The following NAALADL2 variants were observed in gnomAD, a reference collection of about 807,000 sequenced individuals.
NAALADL2 encodes the protein N-acetylated alpha-linked acidic dipeptidase like 2.
Under a neutral mutation model 87.2 loss-of-function variants are expected in NAALADL2, and 76 were observed. That is an observed-to-expected ratio of 0.87 (90% confidence interval 0.72 to 1.05). The LOEUF (loss-of-function observed/expected upper bound fraction) is 1.05, where lower values mean the gene tolerates loss of function less well. NAALADL2 is among the 50% of genes least tolerant of loss of function. The pLI is 0.00. For missense variants in NAALADL2, 1,089 were observed against 945.8 expected, an observed-to-expected ratio of 1.15 and a Z score of -1.99; for synonymous variants, 354 against 331.0, an observed-to-expected ratio of 1.07 and a Z score of -0.75.
intron 6 of NAALADL2, among the ~76,000 whole-genome samples, chr3:175,455,690 G>A (rs554111779): frequency 5.9e-5 from 9 of 152,168 alleles, no homozygotes; most frequent in Admixed American, 2.0e-4. Flanking sequence ...AAGTTTACAA[G>A]TTATGATGGC....
chr3:174,974,914 C>T (rs1265088990), intron 1 of NAALADL2, among the ~76,000 whole-genome samples: 1 of 151,734 alleles, frequency 6.6e-6, no homozygotes, highest in Non-Finnish European at 1.5e-5. Flanking sequence ...TAGTTTTTTG[C>T]TTTTTTTAAA....
intron 2 of NAALADL2, among the ~76,000 whole-genome samples, chr3:174,570,516 A>G (rs1714806797): frequency 6.6e-6 from 1 of 152,122 alleles, no homozygotes; most frequent in East Asian, 1.9e-4. Context: ...TTCTCAAATA[A>G]TGTAGTGAGA....
intron 3 of NAALADL2, among the ~76,000 whole-genome samples, chr3:174,845,264 C>A (rs1430179299): frequency 2.6e-5 from 4 of 152,166 alleles, no homozygotes; most frequent in Non-Finnish European, 5.9e-5. Context: ...GAGAGCCTGG[C>A]AGCTGTGCAG....
In NAALADL2 at chr3:175,755,429, T is replaced by C; in HGVS notation, c.2189+11T>C. On this transcript the variant is annotated intron_variant, in intron 13 of 13. Coordinates refer to ENST00000454872, the MANE Select transcript of NAALADL2 (RefSeq NM_207015.3). ...ACCAGGTTTTTATAGGTAGGATGCA[T>C]GTCTCAAAAATTATACTTTTTGCCC... is the stretch of plus-strand genomic sequence containing the variant. The C allele has an allele frequency of 6.4e-7, 1 of 1,557,280 alleles. No homozygotes were observed. Among genetic ancestry groups the C allele is most frequent in the Non-Finnish European group, 8.7e-7 (1 of 1,150,440 alleles).
intron 3 of NAALADL2, among the ~76,000 whole-genome samples, chr3:174,741,954 G>T (rs111788075): frequency 1.3e-5 from 2 of 151,462 alleles, no homozygotes; most frequent in Non-Finnish European, 3.0e-5. Flanking sequence ...TACTTTTTGC[G>T]TATGCACTGC....
At chr3:175,188,045 A>G (rs1281455826) in intron 2 of NAALADL2, among the ~76,000 whole-genome samples, 1 of 152,126 alleles carries the variant, frequency 6.6e-6, no homozygotes, top group African/African-American at 2.4e-5. Context: ...CAACAAACTG[A>G]TTCTAGGTGA....
chr3:174,910,076 A>T (rs1733498474), intron 1 of NAALADL2, among the ~76,000 whole-genome samples: 1 of 152,094 alleles, frequency 6.6e-6, no homozygotes, highest in South Asian at 2.1e-4. Flanking sequence ...AATTTTATCT[A>T]AATTGTGTTC....
At chr3:175,610,395 A>G (rs1724459259) in intron 10 of NAALADL2, among the ~76,000 whole-genome samples, 1 of 152,106 alleles carries the variant, frequency 6.6e-6, no homozygotes, top group African/African-American at 2.4e-5. Flanking sequence ...AATGACCTGT[A>G]GCATAATAAA....
chr3:175,629,615 G>A (rs1270406985), intron 11 of NAALADL2, among the ~76,000 whole-genome samples: 2 of 151,530 alleles, frequency 1.3e-5, no homozygotes, highest in South Asian at 2.1e-4. Context: ...ATGAAATGAT[G>A]GTGTCTAGCA....
At chr3:175,354,032 A>G (rs1233336084) in intron 5 of NAALADL2, among the ~76,000 whole-genome samples, 2 of 152,208 alleles carry the variant, frequency 1.3e-5, no homozygotes, top group East Asian at 3.8e-4. Context: ...AAACTTGTGT[A>G]CCACTGCAGC....
intron 4 of NAALADL2, among the ~76,000 whole-genome samples, chr3:175,289,337 T>G (rs1193202229): frequency 6.6e-6 from 1 of 152,120 alleles, no homozygotes; most frequent in Non-Finnish European, 1.5e-5. Context: ...TCTATAGAGC[T>G]GCAGTGTAGT....
At chr3:175,449,363 C>G (rs1721185670) in intron 6 of NAALADL2, among the ~76,000 whole-genome samples, 1 of 151,100 alleles carries the variant, frequency 6.6e-6, no homozygotes, top group African/African-American at 2.4e-5. Flanking sequence ...TAGGCATGAG[C>G]CATTGTGCCT....
At chr3:175,684,895 C>A in intron 11 of NAALADL2, among the ~76,000 whole-genome samples, 1 of 152,072 alleles carries the variant, frequency 6.6e-6, no homozygotes, top group East Asian at 1.9e-4. Context: ...TATTTATTTC[C>A]TGTACTACAC....
intron 10 of NAALADL2, among the ~76,000 whole-genome samples, chr3:175,586,605 A>G (rs1328890229): frequency 2.6e-5 from 4 of 152,210 alleles, no homozygotes; most frequent in Non-Finnish European, 5.9e-5. Flanking sequence ...TGCAATGTTT[A>G]TGTAGTACTG....
At chr3:174,483,508 T>C (rs919363604) in intron 1 of NAALADL2, among the ~76,000 whole-genome samples, 2 of 152,012 alleles carry the variant, frequency 1.3e-5, no homozygotes, top group East Asian at 3.9e-4. Flanking sequence ...TTATGGGGAT[T>C]ATGAGGTTTA....
chr3:174,800,876 A>C (rs1007282007), intron 3 of NAALADL2, among the ~76,000 whole-genome samples: 3 of 152,164 alleles, frequency 2.0e-5, no homozygotes, highest in African/African-American at 7.2e-5. Flanking sequence ...TTAAGATTTG[A>C]CTACCCTGCT....
At chr3:175,018,900 T>C (rs892769041) in intron 1 of NAALADL2, among the ~76,000 whole-genome samples, 29 of 152,112 alleles carry the variant, frequency 1.9e-4, no homozygotes, top group African/African-American at 6.8e-4. Flanking sequence ...ACTAAAACTT[T>C]AGTATCTTCA....
intron 11 of NAALADL2, among the ~76,000 whole-genome samples, chr3:175,688,202 A>G (rs1736574428): frequency 6.6e-6 from 1 of 152,182 alleles, no homozygotes; most frequent in Admixed American, 6.5e-5. Context: ...AGGTAGGATG[A>G]GAAATTAATG....
chr3:175,431,687 G>A (rs1336924576), intron 5 of NAALADL2, among the ~76,000 whole-genome samples: 2 of 152,026 alleles, frequency 1.3e-5, no homozygotes. Flanking sequence ...ATGCAGAAGT[G>A]TTCTGTGTGA....
Sources: allele counts gnomAD v4.1 joint callset (sites outside exome capture counted in the v4.1 genomes callset), GRCh38; gene constraint gnomAD v4.1.1; transcripts MANE v1.5; gene names NCBI Gene and HGNC (gene_info 2026-07-23, HGNC 2026-07-21).